MRM1: variants seen among roughly 807,000 people sequenced by gnomAD.
MRM1 encodes the protein mitochondrial rRNA methyltransferase 1, also known as rRNA methyltransferase 1, mitochondrial.
A neutral mutation model predicts 25.0 loss-of-function variants in MRM1; 24 were observed. The observed-to-expected ratio is 0.96, with a 90% CI of 0.69 to 1.35. The LOEUF (loss-of-function observed/expected upper bound fraction) is 1.35, where lower values mean the gene tolerates loss of function less well. MRM1 is among the 40% of genes most tolerant of loss of function. The pLI, the probability that MRM1 is intolerant of heterozygous loss-of-function variation, is 0.00. For missense variants in MRM1, 431 were observed against 464.1 expected (o/e 0.93, Z 0.65); for synonymous variants, 188 against 199.2 (o/e 0.94, Z 0.47).
At chr17:36,608,075 G>T in intron 4 of MRM1, 57 bp downstream of exon 4, 1 of 1,596,376 alleles carries the variant, frequency 6.3e-7, no homozygotes, top group Non-Finnish European at 8.6e-7. Flanking sequence ...GGTGGGATTT[G>T]ATGCCCTCTA....
chr17:36,615,160 C>CG, the MRM1 span, among the ~76,000 whole-genome samples: 1 of 152,204 alleles, frequency 6.6e-6, no homozygotes. Flanking sequence ...TGTGCCCTCT[C>CG]GGTCACAGTA....
chr17:36,608,359 G>A lies in MRM1; in HGVS notation c.1006G>A (p.Ala336Thr). Residue 336 changes from alanine (A) to threonine (T), a missense_variant, in exon 5 of 5, where the codon GCT becomes ACT. Ala to Thr is a moderately conservative substitution (Grantham distance 58, BLOSUM62 0). Transcript: ENST00000614766. Reference protein sequence around the residue: ...PSARSEGLSMAQHPGLSSGPE... With the variant: ...PSARSEGLSMTQHPGLSSGPE... ...AGCCAGGTCTGAAGGGCTCAGCATG[G>A]CTCAGCACCCAGGGCTGTCTTCAGG... 2 of 1,607,998 alleles carry A rather than the reference G, an allele frequency of 1.2e-6. No homozygotes were observed. The highest frequency in any genetic ancestry group is 8.5e-7 in the Non-Finnish European group (1 of 1,177,228).
At position 36,608,589 on chromosome 17, in the gene MRM1, G is replaced by C; in HGVS notation, c.*174G>C. 1 of 439,612 alleles carries C rather than the reference G, an allele frequency of 2.3e-6. No individual in the cohort carries two copies. 27.2% of individuals were successfully genotyped at this position (439,612 alleles called of 1,614,324 possible). On this transcript the variant is annotated 3_prime_UTR_variant, in exon 5 of 5. Coordinates refer to ENST00000614766, the MANE Select transcript of MRM1 (RefSeq NM_024864.5). Reference sequence around the variant, plus strand: ...TGGACACCAGAGGAAGCTGTTTCCTGTTGTGATGTTGGACCTGTAGTAGGA... The same window carrying C: ...TGGACACCAGAGGAAGCTGTTTCCTCTTGTGATGTTGGACCTGTAGTAGGA...
At chr17:36,609,665 A>G (rs1220048908), downstream of MRM1, among the ~76,000 whole-genome samples, 1 of 152,148 alleles carries the variant, frequency 6.6e-6, no homozygotes, top group Admixed American at 6.5e-5. Context: ...GCAACCCCGA[A>G]CTTGCAATCC....
chr17:36,617,152 CTACT>C, the MRM1 span, among the ~76,000 whole-genome samples: 2 of 152,164 alleles, frequency 1.3e-5, no homozygotes, highest in Admixed American at 6.5e-5. Flanking sequence ...CAGCTCAGAG[CTACT>C]GTGGGGTGCT....
At chr17:36,607,008 G>A (rs552416184) in intron 2 of MRM1, among the ~76,000 whole-genome samples, 78 of 151,132 alleles carry the variant, frequency 5.2e-4, no homozygotes, top group African/African-American at 1.5e-3. Context: ...TCTGCCTCCC[G>A]AGTTCAAGCG....
chr17:36,601,661 G>A lies in MRM1; in HGVS notation c.-150G>A. ...CGGTAGTCCAGTTGTGGGTAATCGG[G>A]GCTGTTTGTTCCTGTCCGAGAGAGC... On this transcript the variant is annotated 5_prime_UTR_variant, in exon 1 of 5. Coordinates refer to ENST00000614766, the MANE Select transcript of MRM1 (RefSeq NM_024864.5). The A allele has an allele frequency of 1.2e-6, 1 of 802,458 alleles. No homozygotes were observed. Among genetic ancestry groups the A allele is most frequent in the Non-Finnish European group, 1.9e-6 (1 of 536,870 alleles). The allele number at this position is 802,458 out of a possible 1,614,324, so 49.7% of individuals were successfully genotyped here. A position where few individuals can be genotyped will look rare whatever the true frequency, so the allele number is the denominator to read the frequency against.
In MRM1 at chr17:36,607,948, TCTC is replaced by T. The variant is rs1404846696; in HGVS notation, c.823_825del (p.Leu275del). ...AGGAGGTGCAGGCCTCCTGCCAGCTTCTCCTCACCATCCTGCCCCGGCGCCAGC... is the reference window on the plus strand; with the variant it reads ...AGGAGGTGCAGGCCTCCTGCCAGCTTCTCACCATCCTGCCCCGGCGCCAGC... On this transcript the variant is annotated inframe_deletion, in exon 4 of 5. Transcript: ENST00000614766. 5.0e-6 allele frequency: 8 copies of T among 1,613,922 alleles called. No individual in the cohort carries two copies. The highest frequency in any genetic ancestry group is 5.9e-6 in the Non-Finnish European group (7 of 1,180,002).
the MRM1 span, among the ~76,000 whole-genome samples, chr17:36,627,519 T>C: frequency 6.6e-6 from 1 of 152,128 alleles, no homozygotes; most frequent in African/African-American, 2.4e-5. Context: ...TGCCTTACTC[T>C]TAAATTGTTG....
At chr17:36,608,095 G>C in intron 4 of MRM1, 77 bp downstream of exon 4, 1 of 1,563,872 alleles carries the variant, frequency 6.4e-7, no homozygotes, top group Non-Finnish European at 8.7e-7. Context: ...AATCCCATTT[G>C]CTGGCTGTTT....
At chr17:36,630,780 G>A in the MRM1 span, among the ~76,000 whole-genome samples, 137 of 152,280 alleles carry the variant, frequency 9.0e-4, 2 homozygotes, top group Non-Finnish European at 1.9e-4. Context: ...GAAAGGTCTG[G>A]GAGGAGGAAG....
At position 36,603,180 on chromosome 17, in the gene MRM1, C is replaced by A. The variant is rs921747161; in HGVS notation, c.636+534C>A. On this transcript the variant is annotated intron_variant, in intron 2 of 4. Coordinates refer to ENST00000614766, the MANE Select transcript of MRM1 (RefSeq NM_024864.5). ...CCCTCTGACCATACCCCCCCCAACC[C>A]CCACCCCAACTGCAGGGTGAGAAAT... 5 of 984,648 alleles carry A rather than the reference C, an allele frequency of 5.1e-6. No individual in the cohort carries two copies. The African/African-American group carries it at 8.8e-5, about 17-fold the overall frequency. The allele number at this position is 984,648 out of a possible 1,614,324, so 61.0% of individuals were successfully genotyped here.
At chr17:36,626,214 T>C in the MRM1 span, among the ~76,000 whole-genome samples, 1 of 152,188 alleles carries the variant, frequency 6.6e-6, no homozygotes, top group Non-Finnish European at 1.5e-5. Flanking sequence ...GCTGGAGGAC[T>C]TGGGGACAGT....
intron 2 of MRM1, among the ~76,000 whole-genome samples, chr17:36,607,095 G>T (rs2074936655): frequency 6.6e-6 from 1 of 151,530 alleles, no homozygotes. Flanking sequence ...TGTATTTTTA[G>T]TAGAGACGGG....
chr17:36,602,148 A>G lies in MRM1; in HGVS notation c.338A>G (p.Tyr113Cys). The change falls in exon 1 of 5, where the codon TAC (tyrosine) becomes TGC (cysteine). Residue 113 changes from tyrosine to cysteine, a missense_variant. Coordinates refer to ENST00000614766, the MANE Select transcript of MRM1 (RefSeq NM_024864.5). This position sits in a 1 kb window ranked among gnomAD's most constrained non-coding sequence, Gnocchi z 4.1. Reference sequence around the variant, plus strand: ...CAGAAACTGGACACAATGTGCCGCTACCAGGTCCACCAGGGTGTCTGCATG... The same window carrying G: ...CAGAAACTGGACACAATGTGCCGCTGCCAGGTCCACCAGGGTGTCTGCATG... ...RRQKLDTMCR[Y>C]QVHQGVCMEV... 1 of 1,612,994 alleles carries G rather than the reference A, an allele frequency of 6.2e-7. No homozygotes were observed. Among genetic ancestry groups the G allele is most frequent in the South Asian group, 1.1e-5 (1 of 91,064 alleles).
Position 36,601,844 on chromosome 17 carries a change from T to A in MRM1, c.34T>A (p.Trp12Arg). ...GCTCTCGACCGTCCGGGGCGCGACCTGGGGTCGCCTCGTCACCCGTCATTT... is the reference window on the plus strand; with the variant it reads ...GCTCTCGACCGTCCGGGGCGCGACCAGGGGTCGCCTCGTCACCCGTCATTT... Reference protein sequence around the residue: ...ALLSTVRGATWGRLVTRHFSH... With the variant: ...ALLSTVRGATRGRLVTRHFSH... Residue 12 changes from tryptophan to arginine, a missense_variant, in exon 1 of 5, where the codon TGG becomes AGG. Trp to Arg is a moderately radical substitution (Grantham distance 101). Coordinates refer to ENST00000614766, the MANE Select transcript of MRM1 (RefSeq NM_024864.5). 6.3e-7 allele frequency: 1 copy of A among 1,588,988 alleles called. No homozygotes were observed. Among genetic ancestry groups the A allele is most frequent in the Non-Finnish European group, 8.6e-7 (1 of 1,169,408 alleles).
the MRM1 span, among the ~76,000 whole-genome samples, chr17:36,630,078 C>G: frequency 2.5e-3 from 380 of 152,354 alleles, 2 homozygotes; most frequent in Non-Finnish European, 4.7e-3. Flanking sequence ...CCTCTGCTTC[C>G]TAATCGTTTC....
chr17:36,608,541 G>T lies in MRM1; in HGVS notation c.*126G>T, dbSNP rs4796229. On this transcript the variant is annotated 3_prime_UTR_variant, in exon 5 of 5. Coordinates refer to ENST00000614766, the MANE Select transcript of MRM1 (RefSeq NM_024864.5). ...GCCCATGTTTATTGACCACAGTCTG[G>T]GGGGGGGGGAAGGGGACTGCGGTGG... 37 of 409,748 alleles carry T rather than the reference G, an allele frequency of 9.0e-5. 2 individuals carry two copies. Among genetic ancestry groups the T allele is most frequent in the East Asian group, 1.4e-4 (3 of 21,510 alleles). 25.4% of individuals were successfully genotyped at this position (409,748 alleles called of 1,614,324 possible).
the MRM1 span, among the ~76,000 whole-genome samples, chr17:36,633,097 T>C: frequency 6.6e-6 from 1 of 152,232 alleles, no homozygotes; most frequent in Non-Finnish European, 1.5e-5. Flanking sequence ...CCCGATTTGC[T>C]TTGCTCCCTG....
Sources: allele counts gnomAD v4.1 joint callset (sites outside exome capture counted in the v4.1 genomes callset), GRCh38; gene constraint gnomAD v4.1.1; non-coding constraint Gnocchi (gnomAD v3.1); transcripts MANE v1.5; gene names NCBI Gene and HGNC (gene_info 2026-07-23, HGNC 2026-07-21).